TDO2: variants seen among roughly 807,000 people sequenced by gnomAD.
TDO2 encodes tryptamin 2,3-dioxygenase.
A neutral mutation model predicts 61.2 loss-of-function variants in TDO2; 63 were observed. That is an observed-to-expected ratio of 1.03 (90% CI 0.84 to 1.27). TDO2 has a LOEUF of 1.27. Ranked by LOEUF, TDO2 falls within the 50% of genes most tolerant of loss-of-function variation. The pLI is 0.00. For synonymous variants in TDO2, 183 were observed against 164.0 expected (o/e 1.12, Z -0.89); for missense variants, 494 against 469.5 (o/e 1.05, Z -0.48).
chr4:155,904,026 T>C lies in TDO2; in HGVS notation c.44T>C (p.Phe15Ser). Reference sequence around the variant, plus strand: ...ATTTATTAAATTTGCAGATATACTTTTAAAAAACTCCCCGTAGAAGGCAGC... The same window carrying C: ...ATTTATTAAATTTGCAGATATACTTCTAAAAAACTCCCCGTAGAAGGCAGC... The part of the protein sequence containing the change: ...PFLGNNFGYT[F>S]KKLPVEGSEE... Residue 15 changes from phenylalanine (F) to serine (S), a missense_variant, in exon 2 of 12, where the codon TTT (phenylalanine) becomes TCT (serine). Coordinates refer to ENST00000536354, the MANE Select transcript of TDO2 (RefSeq NM_005651.4). 1 of 1,613,862 alleles carries C rather than the reference T, an allele frequency of 6.2e-7. No individual in the cohort carries two copies.
At chr4:155,913,557 G>A (rs74328351) in intron 7 of TDO2, among the ~76,000 whole-genome samples, 1,640 of 152,104 alleles carry the variant, frequency 0.011, 26 homozygotes, top group African/African-American at 0.038. Flanking sequence ...GTTATTATTT[G>A]TTCAATGTCT....
At chr4:155,903,849 A>C in intron 1 of TDO2, 56 bp downstream of exon 1, 1 of 1,597,212 alleles carries the variant, frequency 6.3e-7, no homozygotes, top group Non-Finnish European at 8.6e-7. Flanking sequence ...ATCAGGTGTG[A>C]GCATTTTAAT....
At position 155,920,057 on chromosome 4, in the gene TDO2, A is replaced by G. The variant is rs1743015764; in HGVS notation, c.*67A>G. Reference sequence around the variant, plus strand: ...TATTTTTTATTTTCTATGGATTTTCATAAATACAGTTTGAATATATGTATG... The same window carrying G: ...TATTTTTTATTTTCTATGGATTTTCGTAAATACAGTTTGAATATATGTATG... On this transcript the variant is annotated 3_prime_UTR_variant, in exon 12 of 12. Coordinates refer to ENST00000536354, the MANE Select transcript of TDO2 (RefSeq NM_005651.4). The G allele has an allele frequency of 4.7e-6, 7 of 1,485,846 alleles. No individual in the cohort carries two copies. The highest frequency in any genetic ancestry group is 2.3e-5 in the South Asian group (2 of 85,686). 92.0% of individuals were successfully genotyped at this position (1,485,846 alleles called of 1,614,324 possible).
Position 155,910,164 on chromosome 4 carries a change from C to A in TDO2, c.571C>A (p.Leu191Met). 2 of 1,594,886 alleles carry A rather than the reference C, an allele frequency of 1.3e-6. No individual in the cohort carries two copies. Among genetic ancestry groups the A allele is most frequent in the Non-Finnish European group, 8.5e-7 (1 of 1,173,258 alleles). ...TAACTTCAAAGGAGAAGAAAATGAA[C>A]TGCTACTTAAATCTGAGCAGGAAAA... ...RDNFKGEENELLLKSEQEKTL... is the reference protein window; with the variant it reads ...RDNFKGEENEMLLKSEQEKTL... Residue 191 changes from leucine (L) to methionine (M), a missense_variant, in exon 6 of 12, where the codon CTG becomes ATG. Coordinates refer to ENST00000536354, the MANE Select transcript of TDO2 (RefSeq NM_005651.4).
chr4:155,904,641 C>A (rs1423619444), intron 2 of TDO2, among the ~76,000 whole-genome samples: 3 of 151,918 alleles, frequency 2.0e-5, no homozygotes, highest in Non-Finnish European at 2.9e-5. Flanking sequence ...TTTTAAGAGG[C>A]AAAATGATTA....
intron 2 of TDO2, among the ~76,000 whole-genome samples, chr4:155,904,387 A>G (rs1742680906): frequency 6.6e-6 from 1 of 152,224 alleles, no homozygotes; most frequent in Non-Finnish European, 1.5e-5. Flanking sequence ...GATAAGATAC[A>G]CTGTGGATAA....
At chr4:155,914,141 G>C (rs1345919345) in intron 7 of TDO2, among the ~76,000 whole-genome samples, 182 bp from the exon 8 acceptor site, 1 of 152,038 alleles carries the variant, frequency 6.6e-6, no homozygotes, top group Non-Finnish European at 1.5e-5. Flanking sequence ...TAGAACCACT[G>C]AGTATGTGGA....
chr4:155,904,197 T>C (rs1742677920), intron 2 of TDO2, 74 bp downstream of exon 2: 10 of 1,104,982 alleles, frequency 9.0e-6, no homozygotes, highest in Admixed American at 7.0e-5. Flanking sequence ...CTTTTTATGA[T>C]TTTATTTCTT....
At chr4:155,916,166 T>C (rs1742929730) in intron 9 of TDO2, among the ~76,000 whole-genome samples, 1 of 10,358 alleles carries the variant, frequency 9.7e-5, no homozygotes, top group Admixed American at 1.4e-3. Context: ...CAAATATCCT[T>C]TTTTTTTTTT....
At chr4:155,908,865 T>C (rs551945971) in intron 4 of TDO2, 22 bp from the exon 5 acceptor site, 2 of 1,601,466 alleles carry the variant, frequency 1.2e-6, no homozygotes, top group South Asian at 2.2e-5. Context: ...GCTAACTCAG[T>C]GTTTCATTTC....
chr4:155,917,393 A>G lies in TDO2; in HGVS notation c.897-2A>G. The G allele has an allele frequency of 6.2e-7, 1 of 1,603,720 alleles. No individual in the cohort carries two copies. The highest frequency in any genetic ancestry group is 1.7e-4 in the Middle Eastern group (1 of 6,000). On this transcript the variant is annotated splice_acceptor_variant, in intron 9 of 11. Transcript: ENST00000536354. LOFTEE classifies it high-confidence loss of function. ...CTTCTTTTTCTTCTTTTTTTCCTTT[A>G]GGGAAGAGCCTAGGTTCCAGGTGCC... is the stretch of plus-strand genomic sequence containing the variant.
intron 3 of TDO2, chr4:155,905,754 T>A (rs1301807162): frequency 6.6e-6 from 1 of 152,242 alleles, no homozygotes; most frequent in African/African-American, 2.4e-5. Context: ...ACTTTAAGCT[T>A]TTCAGTACCA....
At chr4:155,906,283 T>G (rs893092258) in intron 3 of TDO2, 1 of 152,148 alleles carries the variant, frequency 6.6e-6, no homozygotes, top group African/African-American at 2.4e-5. Context: ...ATAAAAACAC[T>G]TTTCTTCTAT....
intron 5 of TDO2, among the ~76,000 whole-genome samples, 157 bp from the exon 6 acceptor site, chr4:155,909,859 CTCTCCTCTG>C (rs1430294742): frequency 9.4e-6 from 1 of 106,636 alleles, no homozygotes; most frequent in Admixed American, 1.0e-4. Context: ...TTCTCCTCTC[CTCTCCTCTG>C]GACTCCTCTC....
chr4:155,905,016 T>C, intron 2 of TDO2, 51 bp from the exon 3 acceptor site: 1 of 1,380,276 alleles, frequency 7.2e-7, no homozygotes, highest in Non-Finnish European at 9.9e-7. Context: ...CTAAAGTTCA[T>C]AAAAACCAAG....
chr4:155,913,917 G>C (rs1443453834), intron 7 of TDO2, among the ~76,000 whole-genome samples: 3 of 152,014 alleles, frequency 2.0e-5, no homozygotes, highest in African/African-American at 7.2e-5. Context: ...ATAGAACATA[G>C]AATTTCAATA....
chr4:155,909,948 C>A (rs1217259350), intron 5 of TDO2, 77 bp from the exon 6 acceptor site: 2 of 121,726 alleles, frequency 1.6e-5, no homozygotes, highest in African/African-American at 4.5e-5. Flanking sequence ...TCCCCTCCCC[C>A]CCCTTTCTCT....
At chr4:155,914,462 T>C (rs1248423454) in intron 8 of TDO2, 28 bp downstream of exon 8, 1 of 1,481,638 alleles carries the variant, frequency 6.7e-7, no homozygotes, top group African/African-American at 1.4e-5. Context: ...ATGAATCTTT[T>C]CCCTGGAATG....
Position 155,915,845 on chromosome 4 carries a change from T to C in TDO2, c.839-10T>C. 1 of 1,605,314 alleles carries C rather than the reference T, an allele frequency of 6.2e-7. No individual in the cohort carries two copies. Among genetic ancestry groups the C allele is most frequent in the Non-Finnish European group, 8.5e-7 (1 of 1,177,230 alleles). Reference sequence around the variant, plus strand: ...ACCTAAAAAATTTAAATTTAGTATGTATTTTGCAGGTGAAAGACGGCTGTC... The same window carrying C: ...ACCTAAAAAATTTAAATTTAGTATGCATTTTGCAGGTGAAAGACGGCTGTC... On this transcript the variant is annotated splice_polypyrimidine_tract_variant and intron_variant, in intron 8 of 11. Coordinates refer to ENST00000536354, the MANE Select transcript of TDO2 (RefSeq NM_005651.4).
Sources: gnomAD v4.1 joint callset for allele counts (sites outside exome capture counted in the v4.1 genomes callset) on GRCh38, gnomAD v4.1.1 for gene constraint, MANE v1.5 for transcripts, NCBI Gene and HGNC (gene_info 2026-07-23, HGNC 2026-07-21) for gene names.